The following LMTK2 variants were observed in gnomAD, a reference collection of about 807,000 sequenced individuals.
LMTK2 encodes lemur tail kinase 2, also known as serine/threonine-protein kinase LMTK2.
LMTK2 carries 37 observed loss-of-function variants against 127.5 expected under a neutral mutation model. The observed-to-expected ratio is 0.29, with a 90% CI of 0.22 to 0.38. The LOEUF (loss-of-function observed/expected upper bound fraction) is 0.38, where lower values mean the gene tolerates loss of function less well. Ranked by LOEUF, LMTK2 falls within the 10% of genes least tolerant of loss-of-function variation. The pLI is 1.00. For missense variants in LMTK2, 1,694 were observed against 1,920.3 expected (o/e 0.88, Z 2.20); for synonymous variants, 819 against 810.1 (o/e 1.01, Z -0.19).
At chr7:98,151,586 T>G in intron 4 of LMTK2, 131 bp downstream of exon 4, 1 of 678,222 alleles carries the variant, frequency 1.5e-6, no homozygotes, top group Non-Finnish European at 2.5e-6. Flanking sequence ...AGTTTCCCCA[T>G]TCCCCCTGTG....
chr7:98,188,914 GCT>G (rs1797478060), intron 9 of LMTK2, among the ~76,000 whole-genome samples: 1 of 151,988 alleles, frequency 6.6e-6, no homozygotes, highest in Non-Finnish European at 1.5e-5. Flanking sequence ...CCTTCTCCTA[GCT>G]CTTTTATTTC....
intron 6 of LMTK2, among the ~76,000 whole-genome samples, chr7:98,169,745 T>A (rs1448525415): frequency 2.0e-5 from 3 of 152,158 alleles, no homozygotes; most frequent in Admixed American, 2.0e-4. Flanking sequence ...TCATTTGTTA[T>A]CCTTACAACT....
At chr7:98,146,567 A>G (rs1288118810) in intron 3 of LMTK2, among the ~76,000 whole-genome samples, 1 of 152,080 alleles carries the variant, frequency 6.6e-6, no homozygotes, top group Non-Finnish European at 1.5e-5. Context: ...GATTATAATG[A>G]TTACAATTAA....
intron 1 of LMTK2, among the ~76,000 whole-genome samples, chr7:98,110,420 CTG>C (rs970065746): frequency 6.6e-6 from 1 of 152,058 alleles, no homozygotes; most frequent in African/African-American, 2.4e-5. Flanking sequence ...TCCTGAGAAT[CTG>C]TGTTTCTGTA....
Position 98,171,564 on chromosome 7 carries a change from C to T in LMTK2, c.681C>T (p.Arg227=). The T allele has an allele frequency of 6.2e-7, 1 of 1,614,024 alleles. No individual in the cohort carries two copies. Among genetic ancestry groups the T allele is most frequent in the Non-Finnish European group, 8.5e-7 (1 of 1,180,026 alleles). The part of the protein sequence containing the change: ...CDLGDLKAYL[R]SEQEHMRGDS... ...AGGGTGACCTGAAGGCGTATCTGCG[C>T]AGCGAGCAGGAGCACATGCGGGGGG... is the stretch of plus-strand genomic sequence containing the variant. Residue 227 remains arginine, a synonymous_variant, in exon 7 of 14, where the codon CGC becomes CGT. Coordinates refer to ENST00000297293, the MANE Select transcript of LMTK2 (RefSeq NM_014916.4). The surrounding 1 kb of genome is among the most constrained non-coding windows in gnomAD (Gnocchi z 5.1).
At chr7:98,118,888 C>T (rs1459757109) in intron 1 of LMTK2, among the ~76,000 whole-genome samples, 1 of 152,082 alleles carries the variant, frequency 6.6e-6, no homozygotes, top group Non-Finnish European at 1.5e-5. Flanking sequence ...GTCAGGAGAT[C>T]GAGACCGTCC....
At chr7:98,150,615 C>T (rs888524064) in intron 3 of LMTK2, among the ~76,000 whole-genome samples, 1 of 152,180 alleles carries the variant, frequency 6.6e-6, no homozygotes, top group East Asian at 1.9e-4. Context: ...GAATGTCTGT[C>T]CACTTGTGAA....
In LMTK2 at chr7:98,192,003, C is replaced by T. The variant is rs201907719; in HGVS notation, c.1538C>T (p.Ser513Leu). Residue 513 changes from serine to leucine, a missense_variant, in exon 11 of 14, where the codon TCG becomes TTG. Physicochemically the swap from Ser to Leu is moderately radical, Grantham distance 145 (BLOSUM62 -2). This residue lies in a region of LMTK2 where 216 missense variants were observed against 266.8 expected (regional missense o/e 0.81). Transcript: ENST00000297293. ...TATCCGGTTGAAGTTTTTGAGAGTTCGCTTTCAGATCCTGGGCCCGGAAAG... is the reference window on the plus strand; with the variant it reads ...TATCCGGTTGAAGTTTTTGAGAGTTTGCTTTCAGATCCTGGGCCCGGAAAG... Reference protein sequence around the residue: ...IFYPVEVFESSLSDPGPGKQD... With the variant: ...IFYPVEVFESLLSDPGPGKQD... 18 of 1,610,710 alleles carry T rather than the reference C, an allele frequency of 1.1e-5. No homozygotes were observed. Among genetic ancestry groups the T allele is most frequent in the African/African-American group, 4.0e-5 (3 of 74,866 alleles).
At chr7:98,148,505 A>AAATAAT (rs902606949) in intron 3 of LMTK2, among the ~76,000 whole-genome samples, 2 of 141,034 alleles carry the variant, frequency 1.4e-5, no homozygotes, top group East Asian at 2.0e-4. Flanking sequence ...AAAAAAAAAA[A>AAATAAT]AATAATAATA....
intron 7 of LMTK2, among the ~76,000 whole-genome samples, chr7:98,184,724 T>C (rs934501963): frequency 3.3e-5 from 5 of 151,714 alleles, no homozygotes; most frequent in Non-Finnish European, 7.4e-5. Context: ...AACTTCTAAA[T>C]TGAATGAGAA....
At chr7:98,146,502 C>A (rs959360809) in intron 3 of LMTK2, among the ~76,000 whole-genome samples, 3 of 151,244 alleles carry the variant, frequency 2.0e-5, no homozygotes, top group Non-Finnish European at 4.4e-5. Context: ...TTTGATGTAC[C>A]ATTTTGATTC....
At chr7:98,145,238 T>G (rs538792920) in intron 3 of LMTK2, among the ~76,000 whole-genome samples, 1 of 150,662 alleles carries the variant, frequency 6.6e-6, no homozygotes, top group Admixed American at 6.7e-5. Flanking sequence ...CTAAAAAATT[T>G]ACAGAAAGGG....
intron 7 of LMTK2, among the ~76,000 whole-genome samples, chr7:98,173,794 T>C (rs1488972418): frequency 6.6e-6 from 1 of 152,180 alleles, no homozygotes; most frequent in Admixed American, 6.5e-5. Context: ...CGGTGGCTCA[T>C]GCCTGTAATC....
At chr7:98,119,564 T>G (rs1267344529) in intron 1 of LMTK2, among the ~76,000 whole-genome samples, 1 of 152,206 alleles carries the variant, frequency 6.6e-6, no homozygotes, top group African/African-American at 2.4e-5. Context: ...AATAATAGCT[T>G]CTTTACATTT....
rs1162371376 is a variant in LMTK2 at position 98,194,834 on chromosome 7, C to T, written c.4107+262C>T. On this transcript the variant is annotated intron_variant, in intron 11 of 13. Coordinates refer to ENST00000297293, the MANE Select transcript of LMTK2 (RefSeq NM_014916.4). This position sits in a 1 kb window ranked among gnomAD's most constrained non-coding sequence, Gnocchi z 5.4. ...AATGGAGTCTTCCTGAATTAGTCAC[C>T]CTTTACACACCAAATTTTTACTGTT... Among the ~76,000 whole-genome samples the T allele has an allele frequency of 3.3e-5, 5 of 152,140 alleles. No individual in the cohort carries two copies. The East Asian group carries it at 9.6e-4, about 29-fold the overall frequency.
chr7:98,194,190 C>A lies in LMTK2; in HGVS notation c.3725C>A (p.Ala1242Glu). The change falls in exon 11 of 14, where the codon GCG (alanine) becomes GAG (glutamate). Residue 1242 changes from alanine to glutamate, a missense_variant. Physicochemically the swap from Ala to Glu is moderately radical, Grantham distance 107 (BLOSUM62 -1). Transcript: ENST00000297293. The surrounding 1 kb of genome is among the most constrained non-coding windows in gnomAD (Gnocchi z 5.4). ...TNELLAYTNS[A>E]LDKSLSSHSE... is the part of the protein sequence containing the mutation. ...GAACTCCTTGCCTACACCAATTCTGCGCTGGACAAGTCCCTGTCCAGCCAC... is the reference window on the plus strand; with the variant it reads ...GAACTCCTTGCCTACACCAATTCTGAGCTGGACAAGTCCCTGTCCAGCCAC... 2 of 1,613,944 alleles carry A rather than the reference C, an allele frequency of 1.2e-6. No individual in the cohort carries two copies. The highest frequency in any genetic ancestry group is 1.7e-6 in the Non-Finnish European group (2 of 1,179,976).
intron 11 of LMTK2, among the ~76,000 whole-genome samples, chr7:98,200,164 A>G (rs746983708): frequency 3.3e-4 from 50 of 152,008 alleles, no homozygotes; most frequent in Non-Finnish European, 6.3e-4. Flanking sequence ...AACTTCTCAC[A>G]ATCTACTTAG....
chr7:98,135,772 A>G (rs1169713112), intron 1 of LMTK2, among the ~76,000 whole-genome samples: 1 of 152,236 alleles, frequency 6.6e-6, no homozygotes, highest in Non-Finnish European at 1.5e-5. Context: ...AATAAGATGT[A>G]AAAATCTTTA....
At chr7:98,144,594 CCTCA>C (rs1158601964) in intron 3 of LMTK2, among the ~76,000 whole-genome samples, 1 of 151,994 alleles carries the variant, frequency 6.6e-6, no homozygotes, top group African/African-American at 2.4e-5. Context: ...AGGTATCTCC[CCTCA>C]CTCCCATTCA....
Sources: gnomAD v4.1 joint callset for allele counts (sites outside exome capture counted in the v4.1 genomes callset) on GRCh38, gnomAD v4.1.1 for gene constraint, gnomAD v4.1.1 regional missense constraint, Gnocchi (gnomAD v3.1) non-coding constraint, MANE v1.5 for transcripts, NCBI Gene and HGNC (gene_info 2026-07-23, HGNC 2026-07-21) for gene names.